The following COA6 variants were observed in gnomAD, a reference collection of about 807,000 sequenced individuals.
The protein encoded by COA6 is cytochrome c oxidase assembly factor 6 homolog.
COA6 carries 12 observed loss-of-function variants against 17.1 expected under a neutral mutation model. The ratio of observed to expected loss-of-function variants is 0.70; its 90% CI spans 0.45 to 1.14. COA6 has a LOEUF of 1.14. COA6 is among the 50% of genes most tolerant of loss of function. The pLI is 0.00. For missense variants in COA6, 246 were observed against 196.5 expected (o/e 1.25, Z -1.51); for synonymous variants, 90 against 73.4 (o/e 1.23, Z -1.16).
chr1:234,382,133 T>C (rs1658990504), intron 2 of COA6, among the ~76,000 whole-genome samples: 1 of 152,116 alleles, frequency 6.6e-6, no homozygotes, highest in South Asian at 2.1e-4. Flanking sequence ...AGAATGGAGT[T>C]TAGGTAAAAT....
chr1:234,374,106 G>GTTTTT, intron 1 of COA6, 124 bp from the exon 2 acceptor site: 1 of 997,662 alleles, frequency 1.0e-6, no homozygotes, highest in South Asian at 1.7e-5. Flanking sequence ...GTTTTGTTTT[G>GTTTTT]TTTTTGTTTT....
chr1:234,383,096 TAAG>T (rs1321968411), intron 2 of COA6, among the ~76,000 whole-genome samples: 2 of 141,944 alleles, frequency 1.4e-5, no homozygotes, highest in African/African-American at 5.2e-5. Context: ...GGAAGGGAAG[TAAG>T]AAAAATGGTC....
rs188925038 is a variant in COA6 at position 234,374,557 on chromosome 1, C to T, written c.372+168C>T. On this transcript the variant is annotated intron_variant, in intron 2 of 2. Transcript: ENST00000366615. ...TCAGCCTTATTTGACGCACTTACATCAGCTAGATCTTTGGAGAATGTCAAC... is the reference window on the plus strand; with the variant it reads ...TCAGCCTTATTTGACGCACTTACATTAGCTAGATCTTTGGAGAATGTCAAC... Among the ~76,000 whole-genome samples, 6 of 152,340 alleles carry T rather than the reference C, an allele frequency of 3.9e-5. No individual in the cohort carries two copies. The East Asian group carries it at 1.2e-3, about 29-fold the overall frequency.
chr1:234,374,036 C>A, intron 1 of COA6, 194 bp from the exon 2 acceptor site: 1 of 878,872 alleles, frequency 1.1e-6, no homozygotes, highest in Non-Finnish European at 1.7e-6. Flanking sequence ...GAGCGGGTGG[C>A]CTTATGCTGC....
chr1:234,382,932 G>A (rs1176868608), intron 2 of COA6, among the ~76,000 whole-genome samples: 1 of 151,838 alleles, frequency 6.6e-6, no homozygotes, highest in Non-Finnish European at 1.5e-5. Context: ...GCTTGAACCT[G>A]GGAGGCGGAC....
chr1:234,373,873 C>T lies in COA6; in HGVS notation c.212+195C>T, dbSNP rs376531025. On this transcript the variant is annotated intron_variant, in intron 1 of 2. Transcript: ENST00000366615. ...CAGTAACCCTGTAAACTAGGCACTG[C>T]TGTCCCCGCTTTACTGGTGGGAAAC... The T allele has an allele frequency of 1.5e-4, 241 of 1,601,638 alleles. No individual in the cohort carries two copies. In the Middle Eastern group the frequency reaches 1.7e-3, roughly 11 times the overall value.
intron 1 of COA6, 157 bp downstream of exon 1, chr1:234,373,835 G>C: frequency 6.2e-7 from 1 of 1,613,406 alleles, no homozygotes; most frequent in Non-Finnish European, 8.5e-7. Context: ...TTTCTACAGC[G>C]CTTAGGTTCG....
In COA6 at chr1:234,374,252, G is replaced by A; in HGVS notation, c.235G>A (p.Ala79Thr). 6.2e-7 allele frequency: 1 copy of A among 1,612,978 alleles called. No individual in the cohort carries two copies. The highest frequency in any genetic ancestry group is 8.5e-7 in the Non-Finnish European group (1 of 1,179,794). Residue 79 changes from alanine to threonine, a missense_variant, in exon 2 of 3, where the codon GCC (alanine) becomes ACC (threonine). Ala to Thr is a moderately conservative substitution (Grantham distance 58). Transcript: ENST00000366615. ...AESFIAVGMAAPSMKERQVCW... is the reference protein window; with the variant it reads ...AESFIAVGMATPSMKERQVCW... ...CAGCTTCATCGCAGTAGGAATGGCA[G>A]CCCCATCTATGAAGGAAAGACAGGT...
chr1:234,376,837 T>C (rs10429823), intron 2 of COA6, among the ~76,000 whole-genome samples: 67,788 of 151,892 alleles, frequency 0.45, 16,339 homozygotes, highest in African/African-American at 0.63. Context: ...CCTTCTCTGC[T>C]ACTCACTCGA....
At chr1:234,378,602 A>C (rs115030388) in intron 2 of COA6, among the ~76,000 whole-genome samples, 11,614 of 152,320 alleles carry the variant, frequency 0.076, 516 homozygotes, top group Middle Eastern at 0.095. Flanking sequence ...GGCCAGGCGC[A>C]GTTGCTCATG....
rs74147456 is a variant in COA6, at chr1:234,384,542, C to T, written c.*724C>T. ...ATTCCTATATATCAGCAATAAACAA[C>T]TGGAATTTAAAACTTAAAAATACCA... On this transcript the variant is annotated 3_prime_UTR_variant, in exon 3 of 3. Transcript: ENST00000366615. 0.012 allele frequency among the ~76,000 whole-genome samples: 1,873 copies of T among 152,182 alleles called. 45 individuals are homozygous for T. Among genetic ancestry groups the T allele is most frequent in the African/African-American group, 0.043 (1,791 of 41,516 alleles).
At chr1:234,379,144 A>G (rs1264516309) in intron 2 of COA6, among the ~76,000 whole-genome samples, 1 of 150,980 alleles carries the variant, frequency 6.6e-6, no homozygotes, top group Non-Finnish European at 1.5e-5. Context: ...CCTCCCAAAG[A>G]GCTGGGATTA....
At chr1:234,379,345 G>T (rs1407798140) in intron 2 of COA6, among the ~76,000 whole-genome samples, 7 of 152,220 alleles carry the variant, frequency 4.6e-5, no homozygotes, top group African/African-American at 1.7e-4. Context: ...AGAGGTAGGG[G>T]TTGGAGAATG....
intron 2 of COA6, among the ~76,000 whole-genome samples, chr1:234,381,805 T>C (rs997861606): frequency 6.6e-6 from 1 of 152,160 alleles, no homozygotes; most frequent in African/African-American, 2.4e-5. Flanking sequence ...AGGAGAAACA[T>C]GTTTGGAGAG....
chr1:234,380,816 A>G (rs1658951687), intron 2 of COA6, among the ~76,000 whole-genome samples: 1 of 152,216 alleles, frequency 6.6e-6, no homozygotes, highest in Non-Finnish European at 1.5e-5. Context: ...CCTGGCCAAC[A>G]TGGCGAAACC....
intron 2 of COA6, among the ~76,000 whole-genome samples, chr1:234,375,741 C>T (rs1297477743): frequency 2.0e-5 from 3 of 152,160 alleles, no homozygotes; most frequent in Non-Finnish European, 4.4e-5. Context: ...GCAGCCTTGA[C>T]CTCCTGGCCT....
intron 2 of COA6, among the ~76,000 whole-genome samples, chr1:234,375,293 C>T (rs780670680): frequency 3.9e-5 from 6 of 152,132 alleles, no homozygotes; most frequent in Non-Finnish European, 7.4e-5. Flanking sequence ...GGCCACAGAG[C>T]GAGACGTTGT....
At chr1:234,382,074 T>C (rs1658988454) in intron 2 of COA6, among the ~76,000 whole-genome samples, 1 of 152,152 alleles carries the variant, frequency 6.6e-6, no homozygotes, top group Non-Finnish European at 1.5e-5. Context: ...CAGAGAACTG[T>C]GGGCATCTTA....
At chr1:234,383,573 G>C (rs994795137) in intron 2 of COA6, 150 bp from the exon 3 acceptor site, 13 of 473,354 alleles carry the variant, frequency 2.7e-5, no homozygotes, top group African/African-American at 1.7e-4. Context: ...AGTTACAGCT[G>C]ACACACACAC....
Sources: gnomAD v4.1 joint callset for allele counts (sites outside exome capture counted in the v4.1 genomes callset) on GRCh38, gnomAD v4.1.1 for gene constraint, MANE v1.5 for transcripts, NCBI Gene and HGNC (gene_info 2026-07-23, HGNC 2026-07-21) for gene names.